Variants in DENND4A observed in about 807,000 individuals in gnomAD.
DENND4A encodes DENN domain containing 4A, also known as C-myc promoter-binding protein.
Under a neutral mutation model 199.3 loss-of-function variants are expected in DENND4A, and 70 were observed. That is an observed-to-expected ratio of 0.35 (90% CI 0.29 to 0.43). The LOEUF (loss-of-function observed/expected upper bound fraction) is 0.43. Ranked by LOEUF, DENND4A falls within the 20% of genes least tolerant of loss-of-function variation. The probability of loss-of-function intolerance (pLI) is 1.00; values close to 1 mark genes in which losing one functional copy is unlikely to be tolerated. For synonymous variants in DENND4A, 686 were observed against 766.9 expected, an observed-to-expected ratio of 0.89 and a Z score of 1.74; for missense variants, 1,723 against 2,255.8, an observed-to-expected ratio of 0.76 and a Z score of 4.78.
intron 11 of DENND4A, among the ~76,000 whole-genome samples, chr15:65,725,381 A>G (rs1174346742): frequency 6.6e-6 from 1 of 152,222 alleles, no homozygotes; most frequent in Non-Finnish European, 1.5e-5. Flanking sequence ...AGAAGGGTTA[A>G]TAAGAACTAC....
chr15:65,768,162 T>C (rs1341423398), intron 1 of DENND4A, among the ~76,000 whole-genome samples: 2 of 152,020 alleles, frequency 1.3e-5, no homozygotes, highest in Admixed American at 6.6e-5. Flanking sequence ...GTCTGGCTAA[T>C]TTATCTTTTT....
chr15:65,719,484 G>T (rs912369678), intron 12 of DENND4A, among the ~76,000 whole-genome samples: 1 of 152,030 alleles, frequency 6.6e-6, no homozygotes, highest in Admixed American at 6.6e-5. Flanking sequence ...TTAATCAAGT[G>T]ATCGAAGTGA....
At position 65,665,465 on chromosome 15, in the gene DENND4A, G is replaced by A; in HGVS notation, c.5242-3C>T. 1 of 1,598,618 alleles carries A rather than the reference G, an allele frequency of 6.3e-7. No homozygotes were observed. The highest frequency in any genetic ancestry group is 8.6e-7 in the Non-Finnish European group (1 of 1,168,648). On this transcript the variant is annotated splice_polypyrimidine_tract_variant and splice_region_variant and intron_variant, in intron 29 of 32. Coordinates refer to ENST00000443035, the MANE Select transcript of DENND4A (RefSeq NM_001320835.1). ...TCAGACATACAGTGGCGGGGAATCT[G>A]TGTTATACAATAAACATTCATTAAT...
intron 1 of DENND4A, among the ~76,000 whole-genome samples, chr15:65,764,227 A>T (rs1177829924): frequency 2.0e-5 from 3 of 152,160 alleles, no homozygotes; most frequent in Non-Finnish European, 4.4e-5. Flanking sequence ...GCCAGGTGTG[A>T]TGGGTCATAT....
Position 65,660,301 on chromosome 15 carries a change from C to G in DENND4A, c.*1550G>C. On this transcript the variant is annotated 3_prime_UTR_variant, in exon 33 of 33. Coordinates refer to ENST00000443035, the MANE Select transcript of DENND4A (RefSeq NM_001320835.1). Reference sequence around the variant, plus strand: ...CAGAGTTGGAAGCTGTGAAATGTTTCAGCATGGTGCTATTCACTAATGGTG... The same window carrying G: ...CAGAGTTGGAAGCTGTGAAATGTTTGAGCATGGTGCTATTCACTAATGGTG... The G allele has an allele frequency of 2.0e-6, 3 of 1,535,288 alleles. No individual in the cohort carries two copies. The highest frequency in any genetic ancestry group is 2.6e-6 in the Non-Finnish European group (3 of 1,146,546).
intron 14 of DENND4A, among the ~76,000 whole-genome samples, chr15:65,707,748 C>T (rs1461196177): frequency 2.0e-5 from 3 of 150,004 alleles, no homozygotes; most frequent in Non-Finnish European, 3.0e-5. Context: ...GTGCATGGTG[C>T]AATTTTGGCT....
chr15:65,706,493 CACATAT>C (rs760497428), intron 14 of DENND4A, among the ~76,000 whole-genome samples: 360 of 102,460 alleles, frequency 3.5e-3, no homozygotes, highest in Non-Finnish European at 4.2e-3. Flanking sequence ...CACACACACA[CACATAT>C]ATATATATAT....
At chr15:65,676,386 G>T in intron 24 of DENND4A, 59 bp downstream of exon 24, 1 of 1,309,342 alleles carries the variant, frequency 7.6e-7, no homozygotes, top group Non-Finnish European at 1.0e-6. Context: ...AAGTGAAAGT[G>T]TCACAATTCA....
intron 20 of DENND4A, among the ~76,000 whole-genome samples, chr15:65,699,269 T>C (rs151150178): frequency 4.6e-5 from 7 of 152,312 alleles, no homozygotes; most frequent in Admixed American, 2.6e-4. Flanking sequence ...TTTGCAGAGA[T>C]AGGGGCCTTC....
intron 12 of DENND4A, among the ~76,000 whole-genome samples, 173 bp from the exon 13 acceptor site, chr15:65,718,169 G>A (rs1186215410): frequency 3.3e-5 from 5 of 151,932 alleles, no homozygotes; most frequent in East Asian, 1.9e-4. Context: ...TGTAGTCTCC[G>A]TTGAGTAAAT....
rs757587427 is a variant in DENND4A, at chr15:65,667,469, G to A, written c.5221C>T (p.His1741Tyr). ...CATACCTTTGAATACTTGTTACAGTGCTCAGAAGAAAGAATCAATCCAGGT... is the reference window on the plus strand; with the variant it reads ...CATACCTTTGAATACTTGTTACAGTACTCAGAAGAAAGAATCAATCCAGGT... ...NLPGLILSSE[H>Y]CNKYSKIPRH... The change falls in exon 29 of 33, where the codon CAC becomes TAC. Residue 1741 changes from histidine to tyrosine, a missense_variant. Transcript: ENST00000443035. 1.9e-6 allele frequency: 3 copies of A among 1,613,952 alleles called. No individual in the cohort carries two copies. In the South Asian group the frequency reaches 3.3e-5, roughly 18 times the overall value.
intron 1 of DENND4A, among the ~76,000 whole-genome samples, chr15:65,782,547 C>G (rs1191025990): frequency 6.6e-6 from 1 of 152,122 alleles, no homozygotes. Context: ...CATTTACTAG[C>G]AATGTGACCT....
intron 5 of DENND4A, among the ~76,000 whole-genome samples, chr15:65,739,408 C>G (rs1168708077): frequency 6.6e-6 from 1 of 152,110 alleles, no homozygotes; most frequent in Non-Finnish European, 1.5e-5. Flanking sequence ...CTAAATAACA[C>G]CAGGTTATAT....
At chr15:65,681,579 G>T (rs779272018) in intron 23 of DENND4A, among the ~76,000 whole-genome samples, 5,019 of 140,164 alleles carry the variant, frequency 0.036, 133 homozygotes, top group Middle Eastern at 0.069. Flanking sequence ...TCATTTTTTT[G>T]TTTTTTTTTT....
intron 23 of DENND4A, among the ~76,000 whole-genome samples, chr15:65,684,818 A>ATTTTT (rs541989496): frequency 1.0e-4 from 11 of 104,924 alleles, no homozygotes; most frequent in African/African-American, 2.1e-4. Flanking sequence ...TTTTCTTCCA[A>ATTTTT]TTTTTTTTTT....
intron 7 of DENND4A, among the ~76,000 whole-genome samples, chr15:65,737,239 T>A (rs2076143857): frequency 6.6e-6 from 1 of 152,120 alleles, no homozygotes; most frequent in Non-Finnish European, 1.5e-5. Flanking sequence ...TCTGTAGTTT[T>A]GTAGAGATGG....
intron 4 of DENND4A, among the ~76,000 whole-genome samples, chr15:65,742,946 T>C (rs1343251797): frequency 6.6e-6 from 1 of 152,174 alleles, no homozygotes; most frequent in African/African-American, 2.4e-5. Context: ...GTAAAATAGT[T>C]TTATGAAACA....
intron 20 of DENND4A, among the ~76,000 whole-genome samples, chr15:65,699,171 A>G (rs1448075162): frequency 6.6e-6 from 1 of 152,236 alleles, no homozygotes; most frequent in East Asian, 1.9e-4. Flanking sequence ...TCAAGGAAGA[A>G]TAACTATGAA....
At chr15:65,691,649 T>G in intron 22 of DENND4A, 138 bp from the exon 23 acceptor site, 1 of 865,310 alleles carries the variant, frequency 1.2e-6, no homozygotes, top group Non-Finnish European at 1.7e-6. Context: ...GATACTATAC[T>G]AAACACTTTA....
Sources: gnomAD v4.1 joint callset for allele counts (sites outside exome capture counted in the v4.1 genomes callset) on GRCh38, gnomAD v4.1.1 for gene constraint, MANE v1.5 for transcripts, NCBI Gene and HGNC (gene_info 2026-07-23, HGNC 2026-07-21) for gene names.